STAG1: variants seen among roughly 807,000 people sequenced by gnomAD.
STAG1 encodes the protein cohesin subunit SA-1.
STAG1 carries 26 observed loss-of-function variants against 170.9 expected under a neutral mutation model. That is an observed-to-expected ratio of 0.15 (90% CI 0.11 to 0.21). The LOEUF is 0.21. Among genes scored for constraint, STAG1 ranks in the 10% least tolerant of loss-of-function variants. The probability of loss-of-function intolerance (pLI) is 1.00; values close to 1 mark genes in which losing one functional copy is unlikely to be tolerated. For missense variants in STAG1, 964 were observed against 1,509.5 expected (o/e 0.64, Z 5.99); for synonymous variants, 514 against 497.7 (o/e 1.03, Z -0.44).
intron 4 of STAG1, among the ~76,000 whole-genome samples, chr3:136,602,405 G>A (rs941944981): frequency 1.3e-5 from 2 of 150,664 alleles, no homozygotes; most frequent in Admixed American, 1.3e-4. Context: ...AAGAGAGAGA[G>A]AGAAGAAAAA....
At chr3:136,350,252 A>G (rs1312910173) in intron 28 of STAG1, among the ~76,000 whole-genome samples, 2 of 152,196 alleles carry the variant, frequency 1.3e-5, no homozygotes, top group African/African-American at 4.8e-5. Flanking sequence ...CTACAGCTCT[A>G]TATTTTAGAA....
At chr3:136,388,110 C>T (rs775046655) in intron 22 of STAG1, among the ~76,000 whole-genome samples, 6 of 152,292 alleles carry the variant, frequency 3.9e-5, no homozygotes, top group Admixed American at 6.5e-5. Context: ...ATTAGGACTG[C>T]GACTTAGTGC....
intron 23 of STAG1, among the ~76,000 whole-genome samples, chr3:136,369,952 T>C (rs912037398): frequency 1.1e-4 from 17 of 152,150 alleles, no homozygotes; most frequent in African/African-American, 3.6e-4. Context: ...TGCTGGTGTA[T>C]TATGCTGCCA....
At chr3:136,581,925 C>CTTT (rs1937598127) in intron 4 of STAG1, among the ~76,000 whole-genome samples, 1 of 152,120 alleles carries the variant, frequency 6.6e-6, no homozygotes, top group Non-Finnish European at 1.5e-5. Context: ...GAACCAAAAT[C>CTTT]TTAAAAATTA....
At chr3:136,691,206 C>A (rs1023393098) in intron 1 of STAG1, among the ~76,000 whole-genome samples, 2 of 151,710 alleles carry the variant, frequency 1.3e-5, no homozygotes, top group Admixed American at 6.6e-5. Flanking sequence ...GAGGCCAAGG[C>A]GGGCAGATCA....
Position 136,473,637 on chromosome 3 carries a change from G to A in STAG1, c.1027C>T (p.Gln343Ter). The A allele has an allele frequency of 6.2e-7, 1 of 1,608,486 alleles. No individual in the cohort carries two copies. Among genetic ancestry groups the A allele is most frequent in the South Asian group, 1.1e-5 (1 of 90,656 alleles). Reference sequence around the variant, plus strand: ...AAACACTTCAGCCTGACTTCCCCTTGCTTCAGAAATACAAATAAAAGCACA... The same window carrying A: ...AAACACTTCAGCCTGACTTCCCCTTACTTCAGAAATACAAATAAAAGCACA... ...KYVGWTLHDRQGEVRLKCLKA... is the reference protein window; with the variant it reads ...KYVGWTLHDR The change falls in exon 11 of 34, where the codon CAA becomes TAA. Residue 343 changes from glutamine (Q) to a stop codon, truncating the protein, a stop_gained and splice_region_variant. Coordinates refer to ENST00000383202, the MANE Select transcript of STAG1 (RefSeq NM_005862.3). LOFTEE classifies it high-confidence loss of function.
chr3:136,624,997 T>C (rs1940034317), intron 2 of STAG1, among the ~76,000 whole-genome samples: 1 of 152,226 alleles, frequency 6.6e-6, no homozygotes. Context: ...TAAGTTAACT[T>C]TTTAAAACAG....
chr3:136,607,646 A>C (rs998298017), intron 3 of STAG1, among the ~76,000 whole-genome samples: 46 of 151,980 alleles, frequency 3.0e-4, no homozygotes, highest in Non-Finnish European at 4.9e-4. Context: ...CAAGTGATCC[A>C]CCCACCTCGG....
At chr3:136,400,692 C>G (rs1479176243) in intron 21 of STAG1, among the ~76,000 whole-genome samples, 1 of 152,046 alleles carries the variant, frequency 6.6e-6, no homozygotes, top group Non-Finnish European at 1.5e-5. Context: ...CCTGCCACCA[C>G]GCCTGGCTAA....
chr3:136,666,108 A>AAAAAAAAAAAAAG (rs1559938954), intron 1 of STAG1, among the ~76,000 whole-genome samples: 1 of 141,250 alleles, frequency 7.1e-6, no homozygotes, highest in East Asian at 2.1e-4. Flanking sequence ...AAAAAAAAAA[A>AAAAAAAAAAAAAG]AAAGAAAGAA....
intron 18 of STAG1, 77 bp from the exon 19 acceptor site, chr3:136,422,690 C>G (rs1303198034): frequency 6.5e-7 from 1 of 1,531,978 alleles, no homozygotes; most frequent in South Asian, 1.2e-5. Flanking sequence ...TGTCAAATAA[C>G]AAGTCTATAA....
At chr3:136,370,286 G>A (rs906425228) in intron 23 of STAG1, among the ~76,000 whole-genome samples, 1 of 152,022 alleles carries the variant, frequency 6.6e-6, no homozygotes, top group African/African-American at 2.4e-5. Context: ...TGTGGGAGGT[G>A]GAAGACACTG....
At chr3:136,650,509 A>G (rs972515055) in intron 1 of STAG1, among the ~76,000 whole-genome samples, 1 of 152,216 alleles carries the variant, frequency 6.6e-6, no homozygotes, top group South Asian at 2.1e-4. Flanking sequence ...ATAGATCTAA[A>G]TAACTAGTTA....
chr3:136,684,908 A>C (rs1359829385), intron 1 of STAG1, among the ~76,000 whole-genome samples: 4 of 152,210 alleles, frequency 2.6e-5, no homozygotes, highest in African/African-American at 9.6e-5. Context: ...TAAAACTATA[A>C]AACTCTTAAG....
At chr3:136,434,189 G>A (rs1490559650) in intron 15 of STAG1, among the ~76,000 whole-genome samples, 1 of 151,944 alleles carries the variant, frequency 6.6e-6, no homozygotes, top group Non-Finnish European at 1.5e-5. Context: ...ATATATTTAT[G>A]TAACTGATAC....
chr3:136,610,441 C>T (rs773984862), intron 3 of STAG1, among the ~76,000 whole-genome samples: 18 of 152,134 alleles, frequency 1.2e-4, no homozygotes, highest in South Asian at 4.1e-4. Context: ...TTGTGGTATT[C>T]CTGTTTTCCC....
chr3:136,361,665 C>G (rs889236054), intron 26 of STAG1, among the ~76,000 whole-genome samples: 1 of 152,110 alleles, frequency 6.6e-6, no homozygotes, highest in African/African-American at 2.4e-5. Context: ...GGCTGGAAGG[C>G]AGAGGTGCAA....
intron 1 of STAG1, among the ~76,000 whole-genome samples, chr3:136,694,452 C>T (rs1942818131): frequency 6.6e-6 from 1 of 150,818 alleles, no homozygotes; most frequent in African/African-American, 2.4e-5. Flanking sequence ...CGTGTCTCAA[C>T]AAAATAAAAA....
At chr3:136,394,821 T>A (rs1015805060) in intron 22 of STAG1, among the ~76,000 whole-genome samples, 1 of 150,480 alleles carries the variant, frequency 6.6e-6, no homozygotes, top group Admixed American at 6.7e-5. Flanking sequence ...GGCATGGTGG[T>A]AGGCACCAGT....
Sources: allele counts gnomAD v4.1 joint callset (sites outside exome capture counted in the v4.1 genomes callset), GRCh38; gene constraint gnomAD v4.1.1; transcripts MANE v1.5; gene names NCBI Gene and HGNC (gene_info 2026-07-23, HGNC 2026-07-21).